MTO1: variants seen among roughly 807,000 people sequenced by gnomAD.
The protein encoded by MTO1 is 5-taurinomethyluridine-[tRNA] synthase subunit MTO1, mitochondrial.
MTO1 carries 46 observed loss-of-function variants against 71.6 expected under a neutral mutation model. That is an observed-to-expected ratio of 0.64 (90% CI 0.51 to 0.82). The LOEUF (loss-of-function observed/expected upper bound fraction) is 0.82, where lower values mean the gene tolerates loss of function less well. MTO1 is among the 40% of genes least tolerant of loss of function. The pLI is 0.00. For missense variants in MTO1, 773 were observed against 867.5 expected (o/e 0.89, Z 1.37); for synonymous variants, 297 against 312.1 (o/e 0.95, Z 0.51).
Position 73,500,573 on chromosome 6 carries a change from G to T in MTO1, c.1918-1G>T. 6.2e-7 allele frequency: 1 copy of T among 1,609,754 alleles called. No homozygotes were observed. Among genetic ancestry groups the T allele is most frequent in the Non-Finnish European group, 8.5e-7 (1 of 1,178,582 alleles). On this transcript the variant is annotated splice_acceptor_variant, in intron 11 of 11. Transcript: ENST00000498286. LOFTEE classifies it high-confidence loss of function. ...GTTTCTCTTGTGGTATTGATTTTTA[G>T]ATCGGGGCTGCTAGTCGCATACCCG...
intron 10 of MTO1, among the ~76,000 whole-genome samples, chr6:73,492,966 A>ATGTGTGTG (rs1161293835): frequency 9.3e-5 from 4 of 42,880 alleles, no homozygotes; most frequent in African/African-American, 1.8e-4. Flanking sequence ...TATATATAAT[A>ATGTGTGTG]TATGTGTGTG....
chr6:73,472,278 T>G (rs774085371), intron 3 of MTO1, among the ~76,000 whole-genome samples: 7 of 152,256 alleles, frequency 4.6e-5, no homozygotes, highest in Non-Finnish European at 1.0e-4. Context: ...TCTGACTGGT[T>G]CTTTTTCATT....
At chr6:73,490,027 C>G (rs1240098714) in intron 9 of MTO1, among the ~76,000 whole-genome samples, 1 of 152,198 alleles carries the variant, frequency 6.6e-6, no homozygotes, top group Non-Finnish European at 1.5e-5. Context: ...ATTTGCATTT[C>G]TCTGATGGCC....
intron 9 of MTO1, among the ~76,000 whole-genome samples, chr6:73,486,152 A>T (rs1475964826): frequency 6.6e-6 from 1 of 151,966 alleles, no homozygotes. Context: ...AGATTTTTTT[A>T]AAACTATCTC....
At chr6:73,480,635 C>G in intron 6 of MTO1, 40 bp from the exon 7 acceptor site, 3 of 1,609,282 alleles carry the variant, frequency 1.9e-6, no homozygotes, top group Non-Finnish European at 2.6e-6. Flanking sequence ...GCAAATCCAG[C>G]TCTGTATTTA....
At chr6:73,474,691 G>A (rs143161420) in intron 4 of MTO1, among the ~76,000 whole-genome samples, 1,609 of 151,364 alleles carry the variant, frequency 0.011, 25 homozygotes, top group African/African-American at 0.037. Flanking sequence ...TAGGTGATCC[G>A]CCTGCCTCAA....
chr6:73,465,161 TTTTTC>T (rs1024785130), intron 1 of MTO1, among the ~76,000 whole-genome samples: 6 of 152,124 alleles, frequency 3.9e-5, no homozygotes, highest in African/African-American at 7.2e-5. Flanking sequence ...TGTTTTTTCT[TTTTTC>T]TTTTCTTTTT....
In MTO1 at chr6:73,491,122, A is replaced by C. The variant is rs150996838; in HGVS notation, c.1638-1112A>C. ...GTAATTGTCCCTGCTATCTGCATAC[A>C]TTGCTCTCCTCTCCCAAGGAAAGGT... On this transcript the variant is annotated intron_variant, in intron 9 of 11. Coordinates refer to ENST00000498286, the MANE Select transcript of MTO1 (RefSeq NM_012123.4). Among the ~76,000 whole-genome samples the C allele has an allele frequency of 1.8e-4, 27 of 152,298 alleles. No individual in the cohort carries two copies. The East Asian group carries it at 5.0e-3, about 28-fold the overall frequency.
intron 9 of MTO1, chr6:73,486,801 T>C (rs992315459): frequency 1.7e-5 from 3 of 175,608 alleles, no homozygotes; most frequent in African/African-American, 7.2e-5. Flanking sequence ...TGTAACATAA[T>C]GTCCTCACGA....
intron 11 of MTO1, among the ~76,000 whole-genome samples, chr6:73,498,904 C>G (rs1429749441): frequency 3.3e-5 from 5 of 151,654 alleles, no homozygotes; most frequent in African/African-American, 4.8e-5. Flanking sequence ...TTTTTTTGTA[C>G]TTTTAGCAGA....
Position 73,480,759 on chromosome 6 carries a change from C to T in MTO1, c.1214C>T (p.Ala405Val). The change falls in exon 7 of 12, where the codon GCT becomes GTT. Residue 405 changes from alanine to valine, a missense_variant. Transcript: ENST00000498286. Reference sequence around the variant, plus strand: ...CATTTGGTTCAACGACTCTTCTTTGCTGGACAGATCAATGGCACCACTGGT... The same window carrying T: ...CATTTGGTTCAACGACTCTTCTTTGTTGGACAGATCAATGGCACCACTGGT... ...ETHLVQRLFF[A>V]GQINGTTGYE... 1 of 1,614,008 alleles carries T rather than the reference C, an allele frequency of 6.2e-7. No individual in the cohort carries two copies. Among genetic ancestry groups the T allele is most frequent in the Non-Finnish European group, 8.5e-7 (1 of 1,179,992 alleles).
chr6:73,496,899 A>G (rs1264480546), intron 10 of MTO1, among the ~76,000 whole-genome samples: 2 of 151,552 alleles, frequency 1.3e-5, no homozygotes, highest in Non-Finnish European at 2.9e-5. Context: ...CTAAAAATAC[A>G]AAGATTAGCC....
At chr6:73,479,688 A>G in intron 4 of MTO1, 44 bp from the exon 5 acceptor site, 1 of 1,458,284 alleles carries the variant, frequency 6.9e-7, no homozygotes. Flanking sequence ...GAGAGAAACT[A>G]GTAGATAAGC....
rs750141214 is a variant in MTO1, at chr6:73,482,185, G to T, written c.1406G>T (p.Arg469Leu). The T allele has an allele frequency of 1.2e-6, 2 of 1,614,016 alleles. No homozygotes were observed. Among genetic ancestry groups the T allele is most frequent in the Admixed American group, 3.3e-5 (2 of 59,990 alleles). ...GAACCATACCGCATGTTTACCAGCC[G>T]AGTAGAGTTCCGTTTGTCACTGCGC... is the stretch of plus-strand genomic sequence containing the variant. ...TSEPYRMFTS[R>L]VEFRLSLRPD... The change falls in exon 8 of 12, where the codon CGA (arginine) becomes CTA (leucine). Residue 469 changes from arginine to leucine, a missense_variant. Coordinates refer to ENST00000498286, the MANE Select transcript of MTO1 (RefSeq NM_012123.4).
chr6:73,494,139 GCA>G (rs1771916784), intron 10 of MTO1, among the ~76,000 whole-genome samples: 1 of 151,976 alleles, frequency 6.6e-6, no homozygotes, highest in Non-Finnish European at 1.5e-5. Flanking sequence ...GGAGGCTGAG[GCA>G]GGAGAATTGC....
At chr6:73,495,496 G>A (rs994948017) in intron 10 of MTO1, among the ~76,000 whole-genome samples, 2 of 151,894 alleles carry the variant, frequency 1.3e-5, no homozygotes, top group Non-Finnish European at 2.9e-5. Context: ...ACATTGAATA[G>A]CTACTGTTTT....
chr6:73,502,742 C>CAA lies in MTO1; in HGVS notation c.*2011_*2012dup, dbSNP rs1441704154. 6.6e-6 allele frequency: 1 copy of CAA among 151,826 alleles called. No homozygotes were observed. Among genetic ancestry groups the CAA allele is most frequent in the Non-Finnish European group, 1.5e-5 (1 of 67,974 alleles). 9.4% of individuals were successfully genotyped at this position (151,826 alleles called of 1,614,324 possible). ...TGAAACCCCATCTCTACTAAAAATA[C>CAA]AAAAATTAGCTAGGTGTGTTGGCAC... On this transcript the variant is annotated 3_prime_UTR_variant, in exon 12 of 12. Transcript: ENST00000498286.
At chr6:73,489,659 G>C (rs1442115821) in intron 9 of MTO1, among the ~76,000 whole-genome samples, 2 of 151,854 alleles carry the variant, frequency 1.3e-5, no homozygotes, top group Non-Finnish European at 2.9e-5. Flanking sequence ...TGTATATGTG[G>C]CACATTTTCT....
At chr6:73,472,735 CTA>C (rs902549959) in intron 3 of MTO1, among the ~76,000 whole-genome samples, 5 of 152,120 alleles carry the variant, frequency 3.3e-5, no homozygotes, top group African/African-American at 1.2e-4. Context: ...AAACGTGTAA[CTA>C]TGTGAGGTGA....
Sources: gnomAD v4.1 joint callset for allele counts (sites outside exome capture counted in the v4.1 genomes callset) on GRCh38, gnomAD v4.1.1 for gene constraint, MANE v1.5 for transcripts, NCBI Gene and HGNC (gene_info 2026-07-23, HGNC 2026-07-21) for gene names.